The following HSD17B12 variants were observed in gnomAD, a reference collection of about 807,000 sequenced individuals.
The protein encoded by HSD17B12 is very-long-chain 3-oxoacyl-CoA reductase.
HSD17B12 carries 32 observed loss-of-function variants against 39.3 expected under a neutral mutation model. The observed-to-expected ratio is 0.81, with a 90% CI of 0.61 to 1.09. HSD17B12 has a LOEUF of 1.09. Among genes scored for constraint, HSD17B12 ranks in the 50% least tolerant of loss-of-function variants. The pLI, the probability that HSD17B12 is intolerant of heterozygous loss-of-function variation, is 0.00. For missense variants in HSD17B12, 342 were observed against 382.9 expected, an observed-to-expected ratio of 0.89 and a Z score of 0.89; for synonymous variants, 150 against 146.7, an observed-to-expected ratio of 1.02 and a Z score of -0.16.
At chr11:43,827,397 C>T (rs1326643803) in intron 6 of HSD17B12, among the ~76,000 whole-genome samples, 3 of 152,078 alleles carry the variant, frequency 2.0e-5, no homozygotes, top group African/African-American at 7.2e-5. Flanking sequence ...ATTTTTCATA[C>T]TAAATTAATG....
intron 3 of HSD17B12, among the ~76,000 whole-genome samples, chr11:43,760,180 G>A (rs1418672852): frequency 2.6e-5 from 4 of 152,010 alleles, no homozygotes; most frequent in African/African-American, 4.8e-5. Context: ...TTACAGGCCT[G>A]AGTCACTGCT....
At chr11:43,704,459 G>A (rs1362089975) in intron 1 of HSD17B12, among the ~76,000 whole-genome samples, 1 of 152,172 alleles carries the variant, frequency 6.6e-6, no homozygotes, top group African/African-American at 2.4e-5. Flanking sequence ...TCTACTGAAT[G>A]GGAGATGATT....
At chr11:43,773,622 C>A (rs555441771) in intron 3 of HSD17B12, among the ~76,000 whole-genome samples, 1 of 152,328 alleles carries the variant, frequency 6.6e-6, no homozygotes, top group East Asian at 1.9e-4. Flanking sequence ...TACTCCGTGT[C>A]CCCATATGTA....
At chr11:43,661,645 C>G in the HSD17B12 span, among the ~76,000 whole-genome samples, 3 of 151,880 alleles carry the variant, frequency 2.0e-5, no homozygotes, top group Admixed American at 6.6e-5. Context: ...AGACCCCATT[C>G]TCCACAAAAA....
chr11:43,679,229 C>G (rs954095242), upstream of HSD17B12, among the ~76,000 whole-genome samples: 6 of 152,076 alleles, frequency 3.9e-5, no homozygotes, highest in Non-Finnish European at 8.8e-5. Context: ...TGATTTGGCT[C>G]TCTGTTTGTC....
At chr11:43,652,980 C>T in the HSD17B12 span, among the ~76,000 whole-genome samples, 1 of 152,052 alleles carries the variant, frequency 6.6e-6, no homozygotes, top group Non-Finnish European at 1.5e-5. Flanking sequence ...TCTCTGGCAG[C>T]ATTTTTTTTT....
At chr11:43,854,188 G>T (rs1951559984) in intron 9 of HSD17B12, 1 of 152,328 alleles carries the variant, frequency 6.6e-6, no homozygotes, top group African/African-American at 2.4e-5. Context: ...AAACTCAGAA[G>T]TAGAATGGTG....
the HSD17B12 span, among the ~76,000 whole-genome samples, chr11:43,616,196 T>G: frequency 6.6e-6 from 1 of 152,088 alleles, no homozygotes; most frequent in African/African-American, 2.4e-5. Flanking sequence ...TTGCCTGAAC[T>G]CAGGAGTTCA....
At chr11:43,590,813 T>C in the HSD17B12 span, among the ~76,000 whole-genome samples, 2 of 149,700 alleles carry the variant, frequency 1.3e-5, no homozygotes, top group Non-Finnish European at 3.0e-5. Flanking sequence ...TCGACTTTTT[T>C]TTTTTTTTTT....
the HSD17B12 span, chr11:43,581,620 T>A: frequency 2.7e-6 from 1 of 371,094 alleles, no homozygotes; most frequent in Non-Finnish European, 5.5e-6. The surrounding 1 kb of genome is among the most constrained non-coding windows in gnomAD (Gnocchi z 4.9). Context: ...CTTTCCGCGG[T>A]GCCCGAGGCT....
At chr11:43,823,886 A>G (rs1313658894) in intron 6 of HSD17B12, among the ~76,000 whole-genome samples, 1 of 152,176 alleles carries the variant, frequency 6.6e-6, no homozygotes, top group Non-Finnish European at 1.5e-5. Context: ...ATACTGAAGT[A>G]AATTGTGAGA....
At chr11:43,713,706 T>A (rs1042652008) in intron 1 of HSD17B12, among the ~76,000 whole-genome samples, 9 of 152,160 alleles carry the variant, frequency 5.9e-5, no homozygotes, top group East Asian at 1.9e-4. Flanking sequence ...CGCCACACTG[T>A]CTTCCACAAT....
intron 7 of HSD17B12, among the ~76,000 whole-genome samples, chr11:43,837,259 G>GT (rs751057479): frequency 1.3e-5 from 2 of 152,066 alleles, no homozygotes; most frequent in Non-Finnish European, 1.5e-5. Flanking sequence ...GGTCTTTATA[G>GT]TCCCTTTTTT....
chr11:43,831,130 CCA>C lies in HSD17B12; in HGVS notation c.536+123_536+124del. On this transcript the variant is annotated intron_variant, in intron 7 of 10. Coordinates refer to ENST00000278353, the MANE Select transcript of HSD17B12 (RefSeq NM_016142.3). The surrounding 1 kb of genome is among the most constrained non-coding windows in gnomAD (Gnocchi z 4.1). ...AATGAACCAAGCCTCCATGTCTTAG[CCA>C]CAGAGTGATGTACCAGGCGAGTCAC... The C allele has an allele frequency of 5.7e-6, 5 of 877,080 alleles. No individual in the cohort carries two copies. The highest frequency in any genetic ancestry group is 3.5e-5 in the South Asian group (2 of 56,464). 54.3% of individuals were successfully genotyped at this position (877,080 alleles called of 1,614,324 possible).
At chr11:43,726,934 A>C (rs574936632) in intron 1 of HSD17B12, among the ~76,000 whole-genome samples, 29 of 152,354 alleles carry the variant, frequency 1.9e-4, no homozygotes, top group Middle Eastern at 3.4e-3. Flanking sequence ...TGCATTCTAA[A>C]AAAATTTTTA....
rs553452011 is a variant in HSD17B12, at chr11:43,734,297, G to T, written c.161-16614G>T. ...TTTCAGGAAGGAGTTCACAGAAGCC[G>T]TGGAAGCCAAAAAGGTGGCTCAGCA... is the stretch of plus-strand genomic sequence containing the variant. On this transcript the variant is annotated intron_variant, in intron 1 of 10. Transcript: ENST00000278353. 25 of 1,177,898 alleles carry T rather than the reference G, an allele frequency of 2.1e-5. 1 individual carries two copies. The South Asian group carries it at 2.8e-4, about 13-fold the overall frequency. 73.0% of individuals were successfully genotyped at this position (1,177,898 alleles called of 1,614,324 possible).
At chr11:43,794,891 G>C (rs1339557816) in intron 3 of HSD17B12, among the ~76,000 whole-genome samples, 1 of 152,220 alleles carries the variant, frequency 6.6e-6, no homozygotes, top group Non-Finnish European at 1.5e-5. Flanking sequence ...GAGAGAGGCT[G>C]TGTCATTTCT....
At chr11:43,848,396 C>T (rs1384678021) in intron 9 of HSD17B12, 1 of 152,108 alleles carries the variant, frequency 6.6e-6, no homozygotes, top group Non-Finnish European at 1.5e-5. Context: ...CATGTGTGTC[C>T]AGGAGAACTA....
rs778562495 is a variant in HSD17B12, at chr11:43,680,853, G to T, written c.26G>T (p.Gly9Val). MESALPAA[G>V]FLYWVGAGTV... ...ATGGAGAGCGCTCTCCCCGCCGCCG[G>T]CTTCCTGTACTGGGTCGGCGCGGGC... The change falls in exon 1 of 11, where the codon GGC becomes GTC. Residue 9 changes from glycine to valine, a missense_variant. By Grantham distance (109) the Gly-to-Val change is moderately radical (BLOSUM62 -3). Coordinates refer to ENST00000278353, the MANE Select transcript of HSD17B12 (RefSeq NM_016142.3). The T allele has an allele frequency of 6.2e-7, 1 of 1,614,016 alleles. No individual in the cohort carries two copies. The highest frequency in any genetic ancestry group is 1.3e-5 in the African/African-American group (1 of 74,934).
Sources: gnomAD v4.1 joint callset for allele counts (sites outside exome capture counted in the v4.1 genomes callset) on GRCh38, gnomAD v4.1.1 for gene constraint, Gnocchi (gnomAD v3.1) non-coding constraint, MANE v1.5 for transcripts, NCBI Gene and HGNC (gene_info 2026-07-23, HGNC 2026-07-21) for gene names.